The following SGCZ variants were observed in gnomAD, a reference collection of about 807,000 sequenced individuals.
SGCZ encodes the protein zeta-sarcoglycan.
A neutral mutation model predicts 41.3 loss-of-function variants in SGCZ; 40 were observed. The observed-to-expected ratio is 0.97, with a 90% CI of 0.75 to 1.26. The LOEUF is 1.26. SGCZ is among the 50% of genes most tolerant of loss of function. The pLI is 0.00. For missense variants in SGCZ, 552 were observed against 369.8 expected, an observed-to-expected ratio of 1.49 and a Z score of -4.04; for synonymous variants, 206 against 137.5, an observed-to-expected ratio of 1.50 and a Z score of -3.49.
chr8:14,957,175 T>TC (rs1269184502), intron 1 of SGCZ, among the ~76,000 whole-genome samples: 5 of 152,168 alleles, frequency 3.3e-5, no homozygotes, highest in Admixed American at 6.5e-5. Context: ...AATTTTGTTT[T>TC]CTCTCTTATG....
chr8:14,469,760 G>A (rs769429051), intron 2 of SGCZ, among the ~76,000 whole-genome samples: 9 of 151,990 alleles, frequency 5.9e-5, no homozygotes, highest in Admixed American at 1.3e-4. Context: ...TTAATCAATC[G>A]TGTCTACATA....
intron 5 of SGCZ, among the ~76,000 whole-genome samples, chr8:14,125,586 AT>A (rs1167919558): frequency 6.6e-6 from 1 of 152,156 alleles, no homozygotes; most frequent in East Asian, 1.9e-4. Flanking sequence ...TGCTATTTCC[AT>A]CAAACTACAA....
chr8:14,202,906 T>C (rs1805500657), intron 4 of SGCZ, among the ~76,000 whole-genome samples: 1 of 152,144 alleles, frequency 6.6e-6, no homozygotes, highest in African/African-American at 2.4e-5. Flanking sequence ...TCCCACATCT[T>C]GTGGGAGGAA....
intron 1 of SGCZ, among the ~76,000 whole-genome samples, chr8:15,153,641 TA>T (rs1167912347): frequency 6.6e-6 from 1 of 152,066 alleles, no homozygotes; most frequent in East Asian, 1.9e-4. Context: ...TCTGGCCATT[TA>T]AAAGGCTATG....
chr8:15,036,330 G>A (rs181233236), intron 1 of SGCZ, among the ~76,000 whole-genome samples: 20 of 152,044 alleles, frequency 1.3e-4, no homozygotes, highest in South Asian at 4.2e-4. Context: ...TAAGGAGATC[G>A]AATCAGTAAT....
intron 3 of SGCZ, among the ~76,000 whole-genome samples, chr8:14,290,816 T>C (rs1297516346): frequency 6.6e-6 from 1 of 152,088 alleles, no homozygotes; most frequent in African/African-American, 2.4e-5. Context: ...AACTACCATA[T>C]GAACCAACCA....
intron 1 of SGCZ, among the ~76,000 whole-genome samples, chr8:14,979,953 C>T (rs1315356260): frequency 1.3e-5 from 2 of 152,062 alleles, no homozygotes; most frequent in African/African-American, 4.8e-5. Flanking sequence ...TTTGTACAAC[C>T]TTGTTAAATT....
At chr8:15,123,874 G>C (rs950714054) in intron 1 of SGCZ, among the ~76,000 whole-genome samples, 4 of 152,168 alleles carry the variant, frequency 2.6e-5, no homozygotes, top group African/African-American at 9.7e-5. Context: ...AGGTAAGAAT[G>C]GAAGAAGGAA....
chr8:14,670,405 T>A (rs1360408315), intron 1 of SGCZ, among the ~76,000 whole-genome samples: 1 of 152,196 alleles, frequency 6.6e-6, no homozygotes, highest in Non-Finnish European at 1.5e-5. Context: ...TATCAGTTTA[T>A]CATTAGTCTC....
intron 1 of SGCZ, among the ~76,000 whole-genome samples, chr8:15,067,540 T>A (rs114325385): frequency 8.2e-4 from 125 of 152,306 alleles, no homozygotes; most frequent in African/African-American, 2.9e-3. Flanking sequence ...CCTAGCGCCC[T>A]TGGCAATGCT....
intron 1 of SGCZ, among the ~76,000 whole-genome samples, chr8:14,688,994 G>GA (rs912575464): frequency 1.3e-5 from 2 of 151,864 alleles, no homozygotes; most frequent in African/African-American, 4.8e-5. Flanking sequence ...GCCAAATCAT[G>GA]AAAAAAATAT....
intron 2 of SGCZ, among the ~76,000 whole-genome samples, chr8:14,339,562 T>A (rs1003834723): frequency 2.0e-5 from 3 of 152,186 alleles, no homozygotes; most frequent in Non-Finnish European, 4.4e-5. Flanking sequence ...CCATATCCTA[T>A]GAATATGTTT....
intron 1 of SGCZ, among the ~76,000 whole-genome samples, chr8:15,130,582 G>A (rs1462124727): frequency 1.3e-5 from 2 of 152,104 alleles, no homozygotes; most frequent in Non-Finnish European, 2.9e-5. Context: ...TGTTTAAAAC[G>A]GATGTGTCAC....
Position 14,085,050 on chromosome 8 carries a change from A to G in SGCZ, c.*5393T>C, listed in dbSNP as rs1023207302. ...TTTCTCTCCCCCAAAATATACCCCA[A>G]TTAAGTTCCATCTAAACAAAAGATA... On this transcript the variant is annotated 3_prime_UTR_variant, in exon 8 of 8. Coordinates refer to ENST00000382080, the MANE Select transcript of SGCZ (RefSeq NM_139167.4). Among the ~76,000 whole-genome samples the G allele has an allele frequency of 1.3e-5, 2 of 151,744 alleles. No individual in the cohort carries two copies. The highest frequency in any genetic ancestry group is 4.8e-5 in the African/African-American group (2 of 41,404).
intron 2 of SGCZ, among the ~76,000 whole-genome samples, chr8:14,456,493 T>C (rs1378250095): frequency 2.0e-5 from 3 of 152,126 alleles, no homozygotes; most frequent in Admixed American, 1.3e-4. Context: ...GGTATTAAAA[T>C]TTAGAAAAAG....
chr8:14,122,829 T>C (rs1585155073), intron 5 of SGCZ, among the ~76,000 whole-genome samples: 2 of 151,662 alleles, frequency 1.3e-5, no homozygotes, highest in Admixed American at 1.3e-4. Flanking sequence ...TGGGAAACAT[T>C]ATCACATCTT....
At chr8:14,152,606 A>G (rs73213562) in intron 5 of SGCZ, among the ~76,000 whole-genome samples, 16,958 of 152,200 alleles carry the variant, frequency 0.11, 1,039 homozygotes, top group Middle Eastern at 0.21. Context: ...AAGTGTTATA[A>G]TCATTCTGCA....
chr8:14,834,014 A>G (rs922623177), intron 1 of SGCZ, among the ~76,000 whole-genome samples: 4 of 152,324 alleles, frequency 2.6e-5, no homozygotes, highest in Middle Eastern at 3.4e-3. Context: ...CTAAAATAGT[A>G]TAATTGTGTT....
intron 1 of SGCZ, among the ~76,000 whole-genome samples, chr8:14,849,285 AG>A (rs1411289260): frequency 2.0e-5 from 3 of 152,268 alleles, no homozygotes; most frequent in African/African-American, 7.2e-5. Flanking sequence ...AAAAACTTAA[AG>A]ACTGTATACA....
Sources: gnomAD v4.1 joint callset for allele counts (sites outside exome capture counted in the v4.1 genomes callset) on GRCh38, gnomAD v4.1.1 for gene constraint, MANE v1.5 for transcripts, NCBI Gene and HGNC (gene_info 2026-07-23, HGNC 2026-07-21) for gene names.